IQCM: variants seen among roughly 807,000 people sequenced by gnomAD.
IQCM encodes the protein IQ domain-containing protein M.
IQCM carries 45 observed loss-of-function variants against 57.6 expected under a neutral mutation model. The ratio of observed to expected loss-of-function variants is 0.78; its 90% CI spans 0.62 to 1.00. The LOEUF is 1.00. IQCM is among the 50% of genes least tolerant of loss of function. IQCM has a pLI of 0.00. For synonymous variants in IQCM, 148 were observed against 158.9 expected, an observed-to-expected ratio of 0.93 and a Z score of 0.51; for missense variants, 468 against 511.6, an observed-to-expected ratio of 0.91 and a Z score of 0.82.
chr4:149,799,864 C>CA (rs950192259), intron 2 of IQCM, among the ~76,000 whole-genome samples: 7 of 149,740 alleles, frequency 4.7e-5, no homozygotes, highest in East Asian at 4.0e-4. Flanking sequence ...AACAAAAAAA[C>CA]AAAAAAACAA....
chr4:149,382,286 G>A (rs746171885), intron 13 of IQCM, among the ~76,000 whole-genome samples: 3 of 152,042 alleles, frequency 2.0e-5, no homozygotes, highest in Admixed American at 1.3e-4. Context: ...GGTGCAGTTG[G>A]GGAAATGGCT....
chr4:149,410,334 T>C (rs1307009226), intron 13 of IQCM, among the ~76,000 whole-genome samples: 2 of 152,062 alleles, frequency 1.3e-5, no homozygotes, highest in African/African-American at 4.8e-5. Context: ...ACCATATTTA[T>C]ATAGCAAACA....
At chr4:149,752,130 A>G (rs1395241328) in intron 2 of IQCM, among the ~76,000 whole-genome samples, 1 of 152,340 alleles carries the variant, frequency 6.6e-6, no homozygotes, top group East Asian at 1.9e-4. Context: ...ATTGTCCACA[A>G]TTAACACATC....
chr4:149,810,137 C>A (rs995522671), intron 2 of IQCM, among the ~76,000 whole-genome samples: 1 of 151,940 alleles, frequency 6.6e-6, no homozygotes, highest in Admixed American at 6.6e-5. Context: ...GTAATCCTAG[C>A]GCTTTGGGAG....
chr4:149,701,149 A>T (rs1204888334), intron 5 of IQCM, among the ~76,000 whole-genome samples: 1 of 152,054 alleles, frequency 6.6e-6, no homozygotes, highest in Non-Finnish European at 1.5e-5. Context: ...ATATTTTGAG[A>T]ACTGAAAGAA....
chr4:149,703,526 C>T (rs1426280177), intron 5 of IQCM, among the ~76,000 whole-genome samples: 2 of 151,852 alleles, frequency 1.3e-5, no homozygotes, highest in Non-Finnish European at 2.9e-5. Flanking sequence ...ACTATGGTCT[C>T]TATACAGACC....
intron 13 of IQCM, among the ~76,000 whole-genome samples, chr4:149,369,864 GC>G (rs147865564): frequency 0.011 from 1,616 of 152,104 alleles, 26 homozygotes; most frequent in Non-Finnish European, 0.013. Context: ...TAAAAATCTT[GC>G]AATAATTTTA....
At chr4:149,656,363 C>A (rs537748300) in intron 7 of IQCM, among the ~76,000 whole-genome samples, 2 of 151,930 alleles carry the variant, frequency 1.3e-5, no homozygotes, top group South Asian at 2.1e-4. Flanking sequence ...TTACTAAAAT[C>A]ACACCAATAA....
At chr4:149,674,075 C>T (rs1393171094) in intron 7 of IQCM, among the ~76,000 whole-genome samples, 3 of 152,022 alleles carry the variant, frequency 2.0e-5, no homozygotes, top group East Asian at 3.9e-4. Context: ...ATTCTGTACT[C>T]AGAAGTCTTT....
chr4:149,454,784 C>T (rs1737505701), intron 12 of IQCM, among the ~76,000 whole-genome samples: 1 of 151,898 alleles, frequency 6.6e-6, no homozygotes, highest in African/African-American at 2.4e-5. Flanking sequence ...TTATGTGAAA[C>T]CTCCAGAATA....
intron 12 of IQCM, among the ~76,000 whole-genome samples, chr4:149,451,767 A>C (rs2111408313): frequency 6.6e-6 from 1 of 151,912 alleles, no homozygotes; most frequent in African/African-American, 2.4e-5. Context: ...ATCTATAAAA[A>C]ACAATAGCCA....
At chr4:149,481,729 T>TTTTTTTTTTTTTTTTTG (rs1740910747) in intron 12 of IQCM, among the ~76,000 whole-genome samples, 1 of 146,230 alleles carries the variant, frequency 6.8e-6, no homozygotes, top group Non-Finnish European at 1.5e-5. Flanking sequence ...TTTTGCTTTT[T>TTTTTTTTTTTTTTTTTG]GCTTAGGACA....
chr4:149,635,422 A>G, intron 7 of IQCM, among the ~76,000 whole-genome samples: 1 of 152,200 alleles, frequency 6.6e-6, no homozygotes, highest in Non-Finnish European at 1.5e-5. Context: ...TCCAGCAAAA[A>G]GCAGTGCATC....
At chr4:149,621,323 A>G in intron 7 of IQCM, 79 bp from the exon 8 acceptor site, 1 of 556,454 alleles carries the variant, frequency 1.8e-6, no homozygotes, top group Non-Finnish European at 2.7e-6. Flanking sequence ...TAATGTTGCA[A>G]AGAGTAAAGC....
At chr4:149,420,586 T>A (rs1228794163) in intron 13 of IQCM, among the ~76,000 whole-genome samples, 1 of 151,948 alleles carries the variant, frequency 6.6e-6, no homozygotes, top group Non-Finnish European at 1.5e-5. Flanking sequence ...GCACACATTT[T>A]CCTGTGTAAC....
chr4:149,406,852 T>G (rs1560809636), intron 13 of IQCM, among the ~76,000 whole-genome samples: 1 of 152,168 alleles, frequency 6.6e-6, no homozygotes, highest in Non-Finnish European at 1.5e-5. Context: ...TACCCAAGAC[T>G]GGGTAATTTA....
intron 13 of IQCM, among the ~76,000 whole-genome samples, chr4:149,363,960 C>G (rs1729665115): frequency 6.6e-6 from 1 of 152,132 alleles, no homozygotes; most frequent in Non-Finnish European, 1.5e-5. Flanking sequence ...AATAGTATGA[C>G]TTTGTTCAGA....
intron 5 of IQCM, among the ~76,000 whole-genome samples, chr4:149,728,256 T>C (rs1228225559): frequency 4.6e-5 from 7 of 152,244 alleles, no homozygotes; most frequent in Non-Finnish European, 1.0e-4. Context: ...GTAATTCCTA[T>C]GCATCTTTTA....
chr4:149,719,265 A>G (rs1765244397), intron 5 of IQCM, among the ~76,000 whole-genome samples: 1 of 151,570 alleles, frequency 6.6e-6, no homozygotes, highest in African/African-American at 2.4e-5. Context: ...AATTACTTGA[A>G]CCCAGGAGGT....
Sources: gnomAD v4.1 joint callset for allele counts (sites outside exome capture counted in the v4.1 genomes callset) on GRCh38, gnomAD v4.1.1 for gene constraint, MANE v1.5 for transcripts, NCBI Gene and HGNC (gene_info 2026-07-23, HGNC 2026-07-21) for gene names.